The following BCL11A variants were observed in gnomAD, a reference collection of about 807,000 sequenced individuals.
The protein encoded by BCL11A is BCL11 transcription factor A.
A neutral mutation model predicts 55.9 loss-of-function variants in BCL11A; 2 were observed. The ratio of observed to expected loss-of-function variants is 0.04; its 90% CI spans 0.01 to 0.11. BCL11A has a LOEUF of 0.11. BCL11A is among the 10% of genes least tolerant of loss of function. BCL11A has a pLI of 1.00. For missense variants in BCL11A, 817 were observed against 1,137.1 expected (o/e 0.72, Z 4.05); for synonymous variants, 465 against 473.4 (o/e 0.98, Z 0.23).
intron 2 of BCL11A, chr2:60,525,409 C>T (rs995169969): frequency 4.6e-5 from 7 of 152,288 alleles, no homozygotes; most frequent in African/African-American, 1.4e-4. Context: ...AATTTTGCTT[C>T]CAGCAATTTG....
chr2:60,467,201 ATGGCGG>A (rs1676722730), intron 3 of BCL11A, among the ~76,000 whole-genome samples: 2 of 66,142 alleles, frequency 3.0e-5, no homozygotes, highest in Admixed American at 3.1e-4. Context: ...GGTGGTGGTG[ATGGCGG>A]TGATGGTACT....
chr2:60,537,586 A>C (rs1449629067), intron 2 of BCL11A: 3 of 152,264 alleles, frequency 2.0e-5, no homozygotes, highest in African/African-American at 4.8e-5. Flanking sequence ...TAAAATGTAC[A>C]GGAACAGACT....
intron 2 of BCL11A, among the ~76,000 whole-genome samples, chr2:60,505,225 A>G (rs1254434108): frequency 1.3e-5 from 2 of 152,242 alleles, no homozygotes; most frequent in East Asian, 1.9e-4. Flanking sequence ...CCAATTTTTC[A>G]TAAGCCAAAA....
chr2:60,502,855 G>C (rs1679369104), intron 2 of BCL11A, among the ~76,000 whole-genome samples: 1 of 152,204 alleles, frequency 6.6e-6, no homozygotes, highest in East Asian at 1.9e-4. Context: ...ATCTCTAAGA[G>C]AATCAAGTCT....
At chr2:60,528,426 A>G (rs1274814997) in intron 2 of BCL11A, 1 of 152,340 alleles carries the variant, frequency 6.6e-6, no homozygotes, top group Non-Finnish European at 1.5e-5. Context: ...GGAAATGACT[A>G]CTTGCAAAGC....
intron 2 of BCL11A, among the ~76,000 whole-genome samples, chr2:60,487,705 T>C (rs1223221738): frequency 1.3e-5 from 2 of 152,170 alleles, no homozygotes; most frequent in East Asian, 1.9e-4. Flanking sequence ...CCCACTCCCT[T>C]ATTTATGAGC....
chr2:60,526,738 A>T (rs1034577871), intron 2 of BCL11A: 10 of 152,244 alleles, frequency 6.6e-5, no homozygotes, highest in African/African-American at 2.4e-4. Flanking sequence ...TGACAACGTG[A>T]AAGCAGCCAT....
chr2:60,545,807 G>A, intron 2 of BCL11A, 164 bp downstream of exon 2: 2 of 651,108 alleles, frequency 3.1e-6, no homozygotes, highest in Non-Finnish European at 5.4e-6. Context: ...TCTGTGTTCT[G>A]GACGTAAGCA....
Position 60,460,932 on chromosome 2 carries a change from G to A in BCL11A, c.1980C>T (p.Leu660=), listed in dbSNP as rs780126657. The change falls in exon 4 of 4, where the codon CTC becomes CTT. Residue 660 remains leucine, a synonymous_variant. Coordinates refer to ENST00000642384, the MANE Select transcript of BCL11A (RefSeq NM_022893.4). ...PNTENVYSQW[L]AGYAASRQLK... is the part of the protein sequence containing the mutation. ...GCTGCCTGGAGGCCGCGTAGCCGGC[G>A]AGCCACTGCGAGTACACGTTCTCCG... 2.5e-6 allele frequency: 4 copies of A among 1,613,116 alleles called. No homozygotes were observed. Among genetic ancestry groups the A allele is most frequent in the African/African-American group, 2.7e-5 (2 of 75,072 alleles).
At chr2:60,453,451 G>T (rs1333990354), downstream of BCL11A, among the ~76,000 whole-genome samples, 1 of 152,208 alleles carries the variant, frequency 6.6e-6, no homozygotes, top group Non-Finnish European at 1.5e-5. Context: ...CCCGAAGCAG[G>T]GGCCTGGGGC....
chr2:60,491,997 CA>C (rs1553410329), intron 2 of BCL11A, among the ~76,000 whole-genome samples: 1 of 152,166 alleles, frequency 6.6e-6, no homozygotes, highest in Non-Finnish European at 1.5e-5. Context: ...GTAGGAAAAA[CA>C]AAAACCCTCA....
chr2:60,471,821 G>A (rs1325740937), intron 2 of BCL11A, among the ~76,000 whole-genome samples: 3 of 152,338 alleles, frequency 2.0e-5, no homozygotes, highest in East Asian at 1.9e-4. Flanking sequence ...TCACCTGGGA[G>A]TTTGTTCAAA....
chr2:60,495,786 T>C (rs902506402), intron 2 of BCL11A: 1 of 152,182 alleles, frequency 6.6e-6, no homozygotes, highest in Non-Finnish European at 1.5e-5. Flanking sequence ...TGTAATTCTT[T>C]TCCTGCTCAA....
At chr2:60,453,672 A>G (rs1558605474), downstream of BCL11A, among the ~76,000 whole-genome samples, 1 of 152,142 alleles carries the variant, frequency 6.6e-6, no homozygotes, top group South Asian at 2.1e-4. Context: ...CTTTCGTCCA[A>G]CCTGCTACCA....
chr2:60,488,733 C>T (rs1678434890), intron 2 of BCL11A, among the ~76,000 whole-genome samples: 2 of 151,466 alleles, frequency 1.3e-5, no homozygotes, highest in African/African-American at 2.4e-5. Context: ...CTACCCAAAA[C>T]GATTTTGTTT....
intron 2 of BCL11A, among the ~76,000 whole-genome samples, chr2:60,532,701 C>T (rs1669513412): frequency 6.6e-6 from 1 of 152,212 alleles, no homozygotes; most frequent in South Asian, 2.1e-4. Context: ...GATGGATTCA[C>T]TTATATGCTT....
rs1676125205 is a variant in BCL11A at position 60,459,671 on chromosome 2, T to A, written c.*733A>T. ...GAACCATCGATGTGGTTTTAATAGA[T>A]CCAAGGCACTCATATTTTAAAACCA... On this transcript the variant is annotated 3_prime_UTR_variant, in exon 4 of 4. Coordinates refer to ENST00000642384, the MANE Select transcript of BCL11A (RefSeq NM_022893.4). 3 of 1,033,844 alleles carry A rather than the reference T, an allele frequency of 2.9e-6. No homozygotes were observed. The highest frequency in any genetic ancestry group is 3.5e-6 in the Non-Finnish European group (3 of 859,088). 64.0% of individuals were successfully genotyped at this position (1,033,844 alleles called of 1,614,324 possible). A position where few individuals can be genotyped will look rare whatever the true frequency, so the allele number is the denominator to read the frequency against.
intron 2 of BCL11A, among the ~76,000 whole-genome samples, chr2:60,504,268 G>C (rs1427933574): frequency 2.0e-5 from 3 of 152,182 alleles, no homozygotes; most frequent in African/African-American, 7.2e-5. Context: ...ACGCATGCAG[G>C]ATCAATGATG....
chr2:60,538,769 G>GTC (rs1669787519), intron 2 of BCL11A, among the ~76,000 whole-genome samples: 2 of 151,586 alleles, frequency 1.3e-5, no homozygotes, highest in Non-Finnish European at 2.9e-5. Context: ...GTGTGTGTGT[G>GTC]TGTGTGTGTG....
Sources: gnomAD v4.1 joint callset for allele counts (sites outside exome capture counted in the v4.1 genomes callset) on GRCh38, gnomAD v4.1.1 for gene constraint, MANE v1.5 for transcripts, NCBI Gene and HGNC (gene_info 2026-07-23, HGNC 2026-07-21) for gene names.